Variants in RUVBL1 observed in about 807,000 individuals in gnomAD.
RUVBL1 encodes the protein RuvB like AAA ATPase 1, also known as ruvB-like 1.
A neutral mutation model predicts 52.4 loss-of-function variants in RUVBL1; 4 were observed. The ratio of observed to expected loss-of-function variants is 0.08; its 90% CI spans 0.04 to 0.17. RUVBL1 has a LOEUF of 0.17. Ranked by LOEUF, RUVBL1 falls within the 10% of genes least tolerant of loss-of-function variation. RUVBL1 has a pLI of 1.00. For missense variants in RUVBL1, 298 were observed against 572.8 expected (o/e 0.52, Z 4.90); for synonymous variants, 217 against 214.4 (o/e 1.01, Z -0.10).
intron 8 of RUVBL1, among the ~76,000 whole-genome samples, chr3:128,095,802 A>ATAGC (rs1942955138): frequency 6.6e-6 from 1 of 152,048 alleles, no homozygotes; most frequent in South Asian, 2.1e-4. Flanking sequence ...TGGGAGTGCG[A>ATAGC]TAGCTATTCA....
chr3:128,147,262 GCCCTA>G (rs1944119860), intron 1 of RUVBL1, among the ~76,000 whole-genome samples: 1 of 152,032 alleles, frequency 6.6e-6, no homozygotes, highest in Admixed American at 6.6e-5. Context: ...TAGAGGTGGA[GCCCTA>G]CTGTGTTTCC....
intron 4 of RUVBL1, among the ~76,000 whole-genome samples, chr3:128,103,178 T>C (rs55777628): frequency 0.14 from 21,566 of 152,286 alleles, 1,744 homozygotes; most frequent in African/African-American, 0.21. Flanking sequence ...GTAAAGAAAC[T>C]GTACAAAGCA....
At chr3:128,075,760 G>T (rs1485107217) in intron 9 of RUVBL1, 4 of 152,178 alleles carry the variant, frequency 2.6e-5, no homozygotes, top group East Asian at 3.9e-4. Context: ...CCGCCCACAC[G>T]GGGGCGCTGT....
At chr3:128,077,030 G>C (rs1942350838), downstream of RUVBL1, among the ~76,000 whole-genome samples, 3 of 151,620 alleles carry the variant, frequency 2.0e-5, no homozygotes, top group Non-Finnish European at 1.5e-5. Flanking sequence ...CCATCTTATC[G>C]CGGCGGCCCA....
downstream of RUVBL1, among the ~76,000 whole-genome samples, chr3:128,077,403 G>A (rs902378743): frequency 3.9e-5 from 6 of 152,226 alleles, no homozygotes; most frequent in Non-Finnish European, 1.5e-5. Flanking sequence ...GCATACTGGA[G>A]GAAGCAAGAA....
chr3:128,088,748 G>A (rs114087440), intron 8 of RUVBL1, among the ~76,000 whole-genome samples: 4,651 of 151,812 alleles, frequency 0.031, 242 homozygotes, highest in African/African-American at 0.11. Flanking sequence ...GAGTACAGGC[G>A]TGAGCTACTG....
At chr3:128,152,893 CA>C (rs1559843140) in intron 1 of RUVBL1, among the ~76,000 whole-genome samples, 1 of 29,770 alleles carries the variant, frequency 3.4e-5, no homozygotes, top group African/African-American at 1.4e-4. Flanking sequence ...CCCCCTCCCC[CA>C]CGTCCCCCCG....
intron 8 of RUVBL1, among the ~76,000 whole-genome samples, chr3:128,091,387 C>T (rs1942834469): frequency 6.6e-6 from 1 of 152,228 alleles, no homozygotes; most frequent in South Asian, 2.1e-4. Context: ...ATAATAATTA[C>T]ATTTTGGTCA....
At chr3:128,078,665 A>AT (rs11458310), downstream of RUVBL1, 33,673 of 152,178 alleles carry the variant, frequency 0.22, 3,809 homozygotes, top group South Asian at 0.27. Context: ...AGTGCAAAAA[A>AT]TGAGGCTGCT....
rs375261362 is a variant in RUVBL1 at position 128,087,833 on chromosome 3, T to A, written c.1017-25A>T. On this transcript the variant is annotated intron_variant, in intron 8 of 10. Coordinates refer to ENST00000322623, the MANE Select transcript of RUVBL1 (RefSeq NM_003707.3). ...TCTGTAAGGGGCAAAATTAATCCCA[T>A]CACCTAAGCCTCTGTTAGACAAGAA... 6.6e-6 allele frequency: 10 copies of A among 1,506,872 alleles called. No individual in the cohort carries two copies. The African/African-American group carries it at 9.6e-5, about 15-fold the overall frequency. 93.3% of individuals were successfully genotyped at this position (1,506,872 alleles called of 1,614,324 possible).
chr3:128,141,777 C>G (rs758874831), intron 1 of RUVBL1: 1 of 152,260 alleles, frequency 6.6e-6, no homozygotes, highest in Admixed American at 6.5e-5. Context: ...ATTATAGGCA[C>G]GAGCCACCGT....
Position 128,097,406 on chromosome 3 carries a change from C to T in RUVBL1, c.910G>A (p.Val304Ile). 1 of 1,614,182 alleles carries T rather than the reference C, an allele frequency of 6.2e-7. No homozygotes were observed. Among genetic ancestry groups the T allele is most frequent in the Non-Finnish European group, 8.5e-7 (1 of 1,180,038 alleles). The change falls in exon 8 of 11, where the codon GTC becomes ATC. Residue 304 changes from valine to isoleucine, a missense_variant. Physicochemically the swap from Val to Ile is conservative, Grantham distance 29 (BLOSUM62 3). Coordinates refer to ENST00000322623, the MANE Select transcript of RUVBL1 (RefSeq NM_003707.3). The stretch of plus-strand genomic sequence containing the variant: ...AAGCACTCAATGTCCAGCATGTGGA[C>T]CTCATCAACAAACAGCACACCCGGG... ...LVPGVLFVDE[V>I]HMLDIECFTY...
At chr3:128,126,169 T>C (rs1313006559), upstream of RUVBL1, among the ~76,000 whole-genome samples, 1 of 151,636 alleles carries the variant, frequency 6.6e-6, no homozygotes, top group Admixed American at 6.6e-5. Context: ...GGATACCAGC[T>C]CCATGCCCCC....
intron 1 of RUVBL1, among the ~76,000 whole-genome samples, chr3:128,147,727 A>G (rs1175941504): frequency 6.6e-6 from 1 of 152,250 alleles, no homozygotes; most frequent in African/African-American, 2.4e-5. Flanking sequence ...CCCACTTGCC[A>G]TATGACCCAA....
intron 1 of RUVBL1, among the ~76,000 whole-genome samples, chr3:128,144,522 G>T (rs942893861): frequency 6.6e-6 from 1 of 152,176 alleles, no homozygotes; most frequent in Non-Finnish European, 1.5e-5. Flanking sequence ...AACTGTAGGG[G>T]GCCCACGGAG....
intron 9 of RUVBL1, among the ~76,000 whole-genome samples, chr3:128,073,955 G>A (rs1942240165): frequency 6.6e-6 from 1 of 152,202 alleles, no homozygotes; most frequent in Non-Finnish European, 1.5e-5. Flanking sequence ...TGTCAAGGAA[G>A]AATACAGAAA....
At chr3:128,128,821 C>T (rs993156103) in intron 1 of RUVBL1, among the ~76,000 whole-genome samples, 15 of 152,208 alleles carry the variant, frequency 9.9e-5, no homozygotes, top group Non-Finnish European at 1.9e-4. Context: ...CTGCTGGATT[C>T]TCCTTGTATG....
At chr3:128,086,759 A>G (rs1303859256) in intron 9 of RUVBL1, among the ~76,000 whole-genome samples, 3 of 152,268 alleles carry the variant, frequency 2.0e-5, no homozygotes, top group Non-Finnish European at 4.4e-5. Flanking sequence ...TTCCTAGTCC[A>G]ATGGTATTCC....
upstream of RUVBL1, among the ~76,000 whole-genome samples, chr3:128,128,160 A>AT (rs1943823880): frequency 6.6e-6 from 1 of 151,866 alleles, no homozygotes; most frequent in Non-Finnish European, 1.5e-5. Context: ...AATTTTTTCT[A>AT]TTTTTTTGTA....
Sources: allele counts gnomAD v4.1 joint callset (sites outside exome capture counted in the v4.1 genomes callset), GRCh38; gene constraint gnomAD v4.1.1; transcripts MANE v1.5; gene names NCBI Gene and HGNC (gene_info 2026-07-23, HGNC 2026-07-21).